The following GPR141 variants were observed in gnomAD, a reference collection of about 807,000 sequenced individuals.
The protein encoded by GPR141 is probable G protein-coupled receptor 141.
In GPR141, 6 loss-of-function variants were observed where a neutral mutation model predicts 6.8. That is an observed-to-expected ratio of 0.88 (90% confidence interval 0.48 to 1.74). GPR141 has a LOEUF of 1.74. Ranked by LOEUF, GPR141 falls within the 40% of genes most tolerant of loss-of-function variation. GPR141 has a pLI of 0.01. For synonymous variants in GPR141, 140 were observed against 142.3 expected (o/e 0.98, Z 0.11); for missense variants, 372 against 372.9 (o/e 1.00, Z 0.02).
intron 2 of GPR141, among the ~76,000 whole-genome samples, chr7:37,736,182 G>C (rs950739121): frequency 6.6e-6 from 1 of 152,026 alleles, no homozygotes; most frequent in Non-Finnish European, 1.5e-5. Flanking sequence ...AACCTGGGAG[G>C]CAGAGGTTGC....
intron 2 of GPR141, among the ~76,000 whole-genome samples, chr7:37,700,951 T>C (rs1810254499): frequency 6.6e-6 from 1 of 152,196 alleles, no homozygotes; most frequent in African/African-American, 2.4e-5. Context: ...CCCAGGAAAT[T>C]GTGTCTGATT....
chr7:37,701,009 T>A (rs998146201), intron 2 of GPR141, among the ~76,000 whole-genome samples: 1 of 152,224 alleles, frequency 6.6e-6, no homozygotes, highest in Non-Finnish European at 1.5e-5. Flanking sequence ...AGGATTTGCA[T>A]CCTTAGCTTA....
At position 37,740,542 on chromosome 7, in the gene GPR141, T is replaced by C; in HGVS notation, c.149T>C (p.Val50Ala). 1 of 1,614,144 alleles carries C rather than the reference T, an allele frequency of 6.2e-7. No homozygotes were observed. The highest frequency in any genetic ancestry group is 1.3e-5 in the African/African-American group (1 of 75,040). ...FLLVKMNTRS[V>A]TTMAVINLVV... ...CTGGTGAAAATGAACACCCGGTCAG[T>C]GACCACCATGGCGGTCATTAACTTG... is the stretch of plus-strand genomic sequence containing the variant. Residue 50 changes from valine (V) to alanine (A), a missense_variant, in exon 3 of 3, where the codon GTG (valine) becomes GCG (alanine). By Grantham distance (64) the Val-to-Ala change is moderately conservative. Coordinates refer to ENST00000334425, the MANE Select transcript of GPR141 (RefSeq NM_001381946.1).
intron 2 of GPR141, among the ~76,000 whole-genome samples, chr7:37,685,878 A>G (rs1809488600): frequency 6.6e-6 from 1 of 151,910 alleles, no homozygotes; most frequent in African/African-American, 2.4e-5. Flanking sequence ...CCAAATTTAA[A>G]ATCAATGAGC....
intron 2 of GPR141, among the ~76,000 whole-genome samples, chr7:37,732,805 A>G (rs1812035856): frequency 6.6e-6 from 1 of 152,234 alleles, no homozygotes; most frequent in East Asian, 1.9e-4. Context: ...GGATTGGCAC[A>G]GCAGTGGTTC....
chr7:37,717,649 C>G (rs1811110930), intron 2 of GPR141, among the ~76,000 whole-genome samples: 1 of 152,136 alleles, frequency 6.6e-6, no homozygotes, highest in African/African-American at 2.4e-5. Flanking sequence ...CTGCATGAAG[C>G]CTTCTCAGAT....
intron 2 of GPR141, among the ~76,000 whole-genome samples, chr7:37,732,461 C>A (rs904396164): frequency 6.6e-6 from 1 of 151,986 alleles, no homozygotes; most frequent in African/African-American, 2.4e-5. Flanking sequence ...GGAGATGTTG[C>A]AATTTGATGC....
At chr7:37,700,505 T>C (rs1385890173) in intron 2 of GPR141, among the ~76,000 whole-genome samples, 3 of 152,170 alleles carry the variant, frequency 2.0e-5, no homozygotes, top group African/African-American at 7.2e-5. Context: ...TGAGAGAGAT[T>C]CACTGTGAAC....
chr7:37,735,228 A>G (rs991556398), intron 2 of GPR141, among the ~76,000 whole-genome samples: 13 of 152,252 alleles, frequency 8.5e-5, no homozygotes, highest in African/African-American at 2.9e-4. Flanking sequence ...TGAAGAGGTC[A>G]TGACTCCCAA....
At chr7:37,711,152 A>G (rs1250875488) in intron 2 of GPR141, among the ~76,000 whole-genome samples, 1 of 152,220 alleles carries the variant, frequency 6.6e-6, no homozygotes, top group Non-Finnish European at 1.5e-5. Flanking sequence ...GACTTGCTCA[A>G]GGTGATCTAA....
At chr7:37,684,092 G>A (rs1032959067) in intron 1 of GPR141, among the ~76,000 whole-genome samples, 189 bp downstream of exon 1, 1 of 152,188 alleles carries the variant, frequency 6.6e-6, no homozygotes, top group East Asian at 1.9e-4. Flanking sequence ...CTTAGGATAT[G>A]CTGCTCTGAA....
At chr7:37,713,557 A>G (rs749898014) in intron 2 of GPR141, 5 of 152,234 alleles carry the variant, frequency 3.3e-5, no homozygotes, top group Non-Finnish European at 7.3e-5. Flanking sequence ...TTCTCTGTGT[A>G]TAGATTCTTC....
chr7:37,724,396 C>T (rs1481080088), intron 2 of GPR141, among the ~76,000 whole-genome samples: 1 of 151,884 alleles, frequency 6.6e-6, no homozygotes, highest in African/African-American at 2.4e-5. Flanking sequence ...AGAGAGAGTT[C>T]GAATATGAAC....
At chr7:37,702,430 G>GT (rs1263552026) in intron 2 of GPR141, among the ~76,000 whole-genome samples, 12 of 134,928 alleles carry the variant, frequency 8.9e-5, no homozygotes, top group African/African-American at 2.2e-4. Flanking sequence ...TCTTCACTTC[G>GT]TTTTTTTACC....
intron 2 of GPR141, among the ~76,000 whole-genome samples, chr7:37,718,517 AAGGAAGAAAG>A (rs1811154274): frequency 2.3e-5 from 1 of 42,742 alleles, no homozygotes; most frequent in East Asian, 1.3e-3. Context: ...GTCTCGAAGG[AAGGAAGAAAG>A]GAAGGAAGGA....
intron 2 of GPR141, among the ~76,000 whole-genome samples, chr7:37,714,895 A>G (rs80128554): frequency 3.3e-5 from 5 of 152,332 alleles, no homozygotes; most frequent in African/African-American, 4.8e-5. Flanking sequence ...AAAAAACCCT[A>G]TGAGTCCTGA....
chr7:37,735,112 TG>T (rs1246276672), intron 2 of GPR141, among the ~76,000 whole-genome samples: 4 of 152,308 alleles, frequency 2.6e-5, no homozygotes, highest in African/African-American at 9.6e-5. Flanking sequence ...GATGGAAGGT[TG>T]ATCAACTGAT....
chr7:37,694,803 AC>A (rs529165816), intron 2 of GPR141, among the ~76,000 whole-genome samples: 1 of 152,090 alleles, frequency 6.6e-6, no homozygotes, highest in Admixed American at 6.5e-5. Flanking sequence ...TGAGGGATCC[AC>A]CCCCATGACC....
At chr7:37,691,644 C>T (rs901661504) in intron 2 of GPR141, among the ~76,000 whole-genome samples, 10 of 151,930 alleles carry the variant, frequency 6.6e-5, no homozygotes, top group African/African-American at 2.2e-4. Context: ...TGCATGTTTT[C>T]GTGATGATTG....
Sources: gnomAD v4.1 joint callset for allele counts (sites outside exome capture counted in the v4.1 genomes callset) on GRCh38, gnomAD v4.1.1 for gene constraint, MANE v1.5 for transcripts, NCBI Gene and HGNC (gene_info 2026-07-23, HGNC 2026-07-21) for gene names.